SLC23A2: variants seen among roughly 807,000 people sequenced by gnomAD.
SLC23A2 encodes the protein solute carrier family 23 member 2.
In SLC23A2, 36 loss-of-function variants were observed where a neutral mutation model predicts 73.3. The ratio of observed to expected loss-of-function variants is 0.49; its 90% confidence interval spans 0.38 to 0.65. SLC23A2 has a LOEUF of 0.65. Ranked by LOEUF, SLC23A2 falls within the 30% of genes least tolerant of loss-of-function variation. The probability of loss-of-function intolerance (pLI) is 0.00; values close to 1 mark genes in which losing one functional copy is unlikely to be tolerated. For missense variants in SLC23A2, 507 were observed against 841.6 expected (o/e 0.60, Z 4.92); for synonymous variants, 343 against 327.3 (o/e 1.05, Z -0.52).
chr20:4,911,419 T>A (rs1034934078), intron 4 of SLC23A2, among the ~76,000 whole-genome samples: 5 of 152,214 alleles, frequency 3.3e-5, no homozygotes, highest in African/African-American at 1.2e-4. Context: ...AATTTGGTTA[T>A]TTCAGAATTT....
At chr20:4,978,265 A>C (rs1281872166) in intron 1 of SLC23A2, among the ~76,000 whole-genome samples, 1 of 152,168 alleles carries the variant, frequency 6.6e-6, no homozygotes, top group Non-Finnish European at 1.5e-5. Context: ...AAATGGTTCT[A>C]TTTTTCCCTT....
intron 2 of SLC23A2, among the ~76,000 whole-genome samples, chr20:4,942,755 G>A (rs564682693): frequency 2.6e-5 from 4 of 152,292 alleles, no homozygotes; most frequent in East Asian, 3.9e-4. Flanking sequence ...TGAGCTATTC[G>A]TGGAGTTAAA....
intron 2 of SLC23A2, among the ~76,000 whole-genome samples, chr20:4,933,702 C>G (rs978055336): frequency 1.3e-5 from 2 of 152,072 alleles, no homozygotes; most frequent in African/African-American, 4.8e-5. Flanking sequence ...TGAAATATGC[C>G]TAGCTATGCC....
chr20:4,977,698 C>CAAA (rs1045238895), intron 1 of SLC23A2, among the ~76,000 whole-genome samples: 2 of 77,368 alleles, frequency 2.6e-5, no homozygotes, highest in Admixed American at 1.4e-4. Context: ...ACTCTGTCCC[C>CAAA]AAAAAAAAAA....
chr20:4,994,889 G>A (rs539586158), intron 1 of SLC23A2, among the ~76,000 whole-genome samples: 14 of 151,830 alleles, frequency 9.2e-5, no homozygotes, highest in African/African-American at 1.9e-4. Flanking sequence ...AGCCAAGATC[G>A]CACCATTGCA....
At position 4,998,809 on chromosome 20, in the gene SLC23A2, T is replaced by TTTA. The variant is rs1407076323; in HGVS notation, c.-282+2596_-282+2597insTAA. ...TTTCAAATCATTACTGTTGATCTTT[T>TTTA]TTTTTTTTTTTTTAGGAGACAGTCT... On this transcript the variant is annotated intron_variant, in intron 1 of 16. Transcript: ENST00000338244. This position sits in a 1 kb window ranked among gnomAD's most constrained non-coding sequence, Gnocchi z 4.1. Among the ~76,000 whole-genome samples the TTTA allele has an allele frequency of 2.0e-3, 309 of 151,296 alleles. 3 individuals carry two copies. Among genetic ancestry groups the TTTA allele is most frequent in the African/African-American group, 7.0e-3 (289 of 41,368 alleles).
At chr20:4,956,838 A>C (rs1600171350) in intron 2 of SLC23A2, among the ~76,000 whole-genome samples, 8 of 111,356 alleles carry the variant, frequency 7.2e-5, no homozygotes, top group Admixed American at 2.5e-4. Context: ...ACAGAGTTTC[A>C]CTCTTGTTGC....
chr20:4,943,927 T>C (rs1250231261), intron 2 of SLC23A2, among the ~76,000 whole-genome samples: 3 of 152,046 alleles, frequency 2.0e-5, no homozygotes, highest in African/African-American at 4.8e-5. Flanking sequence ...ACACGAGACA[T>C]GCAGTCTGAT....
At chr20:5,004,954 G>A (rs1243885353), upstream of SLC23A2, among the ~76,000 whole-genome samples, 1 of 151,748 alleles carries the variant, frequency 6.6e-6, no homozygotes, top group African/African-American at 2.4e-5. Context: ...AGCCGAGATT[G>A]TGCCATTGCA....
chr20:4,996,685 CAAAA>C (rs1555809857), intron 1 of SLC23A2, among the ~76,000 whole-genome samples: 1 of 54,770 alleles, frequency 1.8e-5, no homozygotes, highest in Non-Finnish European at 3.4e-5. Flanking sequence ...GATTCCATCT[CAAAA>C]AAAAAAAAAA....
chr20:5,000,921 T>C (rs957001986), intron 1 of SLC23A2, among the ~76,000 whole-genome samples: 1 of 152,118 alleles, frequency 6.6e-6, no homozygotes, highest in African/African-American at 2.4e-5. Flanking sequence ...AGGCACCCTC[T>C]TGCCGCCCCT....
At chr20:4,942,106 G>A (rs1303813689) in intron 2 of SLC23A2, among the ~76,000 whole-genome samples, 1 of 152,086 alleles carries the variant, frequency 6.6e-6, no homozygotes, top group Non-Finnish European at 1.5e-5. Flanking sequence ...TCAAGTCCAG[G>A]GGAAAGGCTG....
intron 1 of SLC23A2, among the ~76,000 whole-genome samples, chr20:4,976,968 T>C (rs1034735966): frequency 1.3e-5 from 2 of 151,380 alleles, no homozygotes; most frequent in African/African-American, 4.9e-5. Flanking sequence ...TGAGAGAAGC[T>C]CCATCTCAAA....
chr20:4,953,446 G>T (rs1438741210), intron 2 of SLC23A2, among the ~76,000 whole-genome samples: 1 of 152,022 alleles, frequency 6.6e-6, no homozygotes, highest in African/African-American at 2.4e-5. Context: ...AAGAATCATA[G>T]GCCTTAACTA....
intron 1 of SLC23A2, among the ~76,000 whole-genome samples, chr20:4,988,495 T>C (rs763717328): frequency 3.3e-5 from 5 of 151,186 alleles, no homozygotes; most frequent in Admixed American, 6.6e-5. Context: ...CCCAGCACTT[T>C]GGGGGGTTGA....
At position 4,942,646 on chromosome 20, in the gene SLC23A2, T is replaced by C. The variant is rs2087061120; in HGVS notation, c.-154-9930A>G. 2.6e-5 allele frequency among the ~76,000 whole-genome samples: 4 copies of C among 152,034 alleles called. No homozygotes were observed. In the South Asian group the frequency reaches 8.3e-4, roughly 32 times the overall value. On this transcript the variant is annotated intron_variant, in intron 2 of 16. Coordinates refer to ENST00000338244, the MANE Select transcript of SLC23A2 (RefSeq NM_005116.6). Reference sequence around the variant, plus strand: ...TTTTGAACTTCATTTTATCCGACCATCTCTCCCTGTCCAGGAAACAGAGTC... The same window carrying C: ...TTTTGAACTTCATTTTATCCGACCACCTCTCCCTGTCCAGGAAACAGAGTC...
intron 6 of SLC23A2, among the ~76,000 whole-genome samples, chr20:4,896,095 G>A (rs1225623132): frequency 6.6e-6 from 1 of 152,168 alleles, no homozygotes; most frequent in Non-Finnish European, 1.5e-5. Context: ...GATGGAGGGT[G>A]GAGAGACGTG....
intron 4 of SLC23A2, among the ~76,000 whole-genome samples, chr20:4,907,681 A>G (rs867997443): frequency 7.9e-5 from 12 of 152,248 alleles, no homozygotes; most frequent in South Asian, 4.1e-4. Context: ...AAAGACAAAT[A>G]TAGGTAAGAG....
chr20:4,862,769 G>A lies in SLC23A2; in HGVS notation c.1486+9C>T, dbSNP rs1365973579. 8.1e-6 allele frequency: 13 copies of A among 1,605,938 alleles called. No homozygotes were observed. Among genetic ancestry groups the A allele is most frequent in the Non-Finnish European group, 1.0e-5 (12 of 1,173,914 alleles). ...AAGTAAAGGAAAAAGCCAGAGAGGG[G>A]AGTCTTACCAAAGAGCGTGCAGAAC... On this transcript the variant is annotated intron_variant, in intron 14 of 16. Transcript: ENST00000338244. This position sits in a 1 kb window ranked among gnomAD's most constrained non-coding sequence, Gnocchi z 5.1.
Sources: allele counts gnomAD v4.1 joint callset (sites outside exome capture counted in the v4.1 genomes callset), GRCh38; gene constraint gnomAD v4.1.1; non-coding constraint Gnocchi (gnomAD v3.1); transcripts MANE v1.5; gene names NCBI Gene and HGNC (gene_info 2026-07-23, HGNC 2026-07-21).